LAMB1: variants seen among roughly 807,000 people sequenced by gnomAD.
LAMB1 encodes the protein laminin subunit beta-1.
A neutral mutation model predicts 222.3 loss-of-function variants in LAMB1; 121 were observed. The observed-to-expected ratio is 0.54, with a 90% CI of 0.47 to 0.63. The LOEUF is 0.63. Among genes scored for constraint, LAMB1 ranks in the 30% least tolerant of loss-of-function variants. The probability of loss-of-function intolerance (pLI) is 0.00; values close to 1 mark genes in which losing one functional copy is unlikely to be tolerated. For missense variants in LAMB1, 2,172 were observed against 2,240.8 expected, an observed-to-expected ratio of 0.97 and a Z score of 0.62; for synonymous variants, 794 against 807.2, an observed-to-expected ratio of 0.98 and a Z score of 0.28.
chr7:107,931,390 T>G lies in LAMB1; in HGVS notation c.4503A>C (p.Arg1501Ser). 1 of 1,613,916 alleles carries G rather than the reference T, an allele frequency of 6.2e-7. No individual in the cohort carries two copies. The highest frequency in any genetic ancestry group is 8.5e-7 in the Non-Finnish European group (1 of 1,179,880). The change falls in exon 29 of 34, where the codon AGA becomes AGC. Residue 1501 changes from arginine (R) to serine (S), a missense_variant. Physicochemically the swap from Arg to Ser is moderately radical, Grantham distance 110. Coordinates refer to ENST00000222399, the MANE Select transcript of LAMB1 (RefSeq NM_002291.3). ...AGTTTCTGATTTGCTTGATTAGATT[T>G]CTCAGCTCCTCATTGCTCTTGTCCA... is the stretch of plus-strand genomic sequence containing the variant. ...EKMDKSNEEL[R>S]NLIKQIRNFL...
chr7:107,955,835 T>C (rs1011948506), intron 20 of LAMB1, among the ~76,000 whole-genome samples: 2 of 151,876 alleles, frequency 1.3e-5, no homozygotes, highest in African/African-American at 4.8e-5. Context: ...TGGGTTCAAG[T>C]GATTCTCCTG....
At chr7:107,928,709 T>C (rs1392618181) in intron 31 of LAMB1, among the ~76,000 whole-genome samples, 1 of 152,192 alleles carries the variant, frequency 6.6e-6, no homozygotes, top group African/African-American at 2.4e-5. Context: ...GCCACGCTGG[T>C]CTTGAACTAC....
rs567046422 is a variant in LAMB1 at position 107,936,033 on chromosome 7, C to G, written c.3947-377G>C. On this transcript the variant is annotated intron_variant, in intron 26 of 33. Transcript: ENST00000222399. ...CTCAAATGACTAATATAGTAGCCCT[C>G]CATATTTGTAGGTTCCACATATGTG... is the stretch of plus-strand genomic sequence containing the variant. Among the ~76,000 whole-genome samples the G allele has an allele frequency of 4.2e-4, 64 of 152,288 alleles. No homozygotes were observed. The South Asian group carries it at 9.8e-3, about 23-fold the overall frequency.
At chr7:107,961,725 G>A (rs1459396359) in intron 15 of LAMB1, 49 bp from the exon 16 acceptor site, 2 of 1,581,044 alleles carry the variant, frequency 1.3e-6, no homozygotes, top group Admixed American at 3.5e-5. Context: ...ACCACTGCCT[G>A]TTTATAAAAA....
In LAMB1 at chr7:107,980,628, T is replaced by G; in HGVS notation, c.860A>C (p.Asn287Thr). 1 of 1,614,054 alleles carries G rather than the reference T, an allele frequency of 6.2e-7. No homozygotes were observed. Among genetic ancestry groups the G allele is most frequent in the Non-Finnish European group, 8.5e-7 (1 of 1,179,972 alleles). The change falls in exon 8 of 34, where the codon AAT becomes ACT. Residue 287 changes from asparagine to threonine, a missense_variant. Transcript: ENST00000222399. ...ACTTACCATTCCTTCCACTTCTTCATTGAATCCATCCACAGGGGCACATTC... is the reference window on the plus strand; with the variant it reads ...ACTTACCATTCCTTCCACTTCTTCAGTGAATCCATCCACAGGGGCACATTC... The part of the protein sequence containing the change: ...ASECAPVDGF[N>T]EEVEGMVHGH...
At chr7:108,002,376 CT>C in intron 2 of LAMB1, 1 of 1,317,180 alleles carries the variant, frequency 7.6e-7, no homozygotes, top group Non-Finnish European at 1.0e-6. Context: ...GCGCCAGGTC[CT>C]GCTGTTTCTG....
At chr7:108,003,078 G>A (rs1249720763) in intron 1 of LAMB1, 33 bp downstream of exon 1, 2 of 1,253,650 alleles carry the variant, frequency 1.6e-6, no homozygotes, top group Non-Finnish European at 2.1e-6. Context: ...CTGGAAAGTG[G>A]GGAAAATCGT....
rs35814593 is a variant in LAMB1, at chr7:107,940,670, C to G, written c.3392-312G>C. ...TCACTATTTCACAGATGTGGGAACT[C>G]AGAGATCAGAGAGATTATGTAACAT... is the stretch of plus-strand genomic sequence containing the variant. On this transcript the variant is annotated intron_variant, in intron 24 of 33. Transcript: ENST00000222399. The G allele has an allele frequency of 0.64, 183,579 of 286,722 alleles. 59,831 individuals are homozygous for G. Among genetic ancestry groups the G allele is most frequent in the East Asian group, 0.86 (12,602 of 14,662 alleles). 17.8% of individuals were successfully genotyped at this position (286,722 alleles called of 1,614,324 possible).
rs758162717 is a variant in LAMB1, at chr7:107,929,133, C to G, written c.4818G>C (p.Gln1606His). The G allele has an allele frequency of 6.2e-7, 1 of 1,614,080 alleles. No homozygotes were observed. The highest frequency in any genetic ancestry group is 1.1e-5 in the South Asian group (1 of 91,086). The change falls in exon 31 of 34, where the codon CAG becomes CAC. Residue 1606 changes from glutamine to histidine, a missense_variant. Physicochemically the swap from Gln to His is conservative, Grantham distance 24. Coordinates refer to ENST00000222399, the MANE Select transcript of LAMB1 (RefSeq NM_002291.3). Reference sequence around the variant, plus strand: ...GTTTAATTGCCTTCTCTGCTGCGACCTGGGCCTTTTCTGCTTCTTCCAGAG... The same window carrying G: ...GTTTAATTGCCTTCTCTGCTGCGACGTGGGCCTTTTCTGCTTCTTCCAGAG... ...KEALEEAEKA[Q>H]VAAEKAIKQA...
At chr7:108,001,825 G>T in intron 2 of LAMB1, 92 bp from the exon 3 acceptor site, 1 of 1,559,676 alleles carries the variant, frequency 6.4e-7, no homozygotes, top group Non-Finnish European at 8.7e-7. Context: ...GAGTGGGTGC[G>T]GAGAGAGGAC....
chr7:107,936,907 T>C (rs1485119260), intron 26 of LAMB1, among the ~76,000 whole-genome samples, 186 bp downstream of exon 26: 1 of 152,158 alleles, frequency 6.6e-6, no homozygotes, highest in Non-Finnish European at 1.5e-5. Context: ...TCTCTTAGGT[T>C]CTCTGTGCCC....
chr7:107,962,551 T>A (rs1473177029), intron 15 of LAMB1, among the ~76,000 whole-genome samples: 1 of 151,880 alleles, frequency 6.6e-6, no homozygotes, highest in Non-Finnish European at 1.5e-5. Context: ...CCGTCTCTAT[T>A]AAAAATACAA....
intron 13 of LAMB1, among the ~76,000 whole-genome samples, chr7:107,966,356 G>A (rs887273669): frequency 2.0e-5 from 3 of 151,938 alleles, no homozygotes; most frequent in East Asian, 3.9e-4. Flanking sequence ...GACTATAGGC[G>A]ACTGCCACCA....
chr7:107,976,859 C>T (rs1249203890), intron 9 of LAMB1, among the ~76,000 whole-genome samples: 1 of 32,778 alleles, frequency 3.1e-5, no homozygotes, highest in African/African-American at 1.5e-4. Context: ...CCTTTCCTCT[C>T]CTTCCTTCCT....
At chr7:107,971,325 G>GT (rs760996036) in intron 13 of LAMB1, among the ~76,000 whole-genome samples, 2 of 152,040 alleles carry the variant, frequency 1.3e-5, no homozygotes, top group Admixed American at 6.6e-5. Flanking sequence ...TACCTACAAC[G>GT]TATTTCTTTT....
Position 107,924,407 on chromosome 7 carries a change from G to C in LAMB1, c.5065-18C>G. ...TCTAAAGTCTATAGTTCCACATTTA[G>C]ACAGAAAGAAGTGGTAATGTTAGTG... On this transcript the variant is annotated intron_variant, in intron 32 of 33. Coordinates refer to ENST00000222399, the MANE Select transcript of LAMB1 (RefSeq NM_002291.3). 6.3e-7 allele frequency: 1 copy of C among 1,577,140 alleles called. No homozygotes were observed. The highest frequency in any genetic ancestry group is 1.2e-5 in the South Asian group (1 of 86,648).
intron 3 of LAMB1, among the ~76,000 whole-genome samples, chr7:108,000,198 C>CA (rs397938936): frequency 0.57 from 83,252 of 146,626 alleles, 23,678 homozygotes; most frequent in African/African-American, 0.67. Flanking sequence ...CACCAGAACT[C>CA]AAAAAAAAAA....
chr7:107,988,454 A>T (rs1452142327), intron 5 of LAMB1, among the ~76,000 whole-genome samples: 1 of 152,184 alleles, frequency 6.6e-6, no homozygotes, highest in Non-Finnish European at 1.5e-5. Flanking sequence ...AAAAAAAAAG[A>T]AAAAAGGAAT....
At chr7:107,993,094 G>A (rs1047363819) in intron 5 of LAMB1, among the ~76,000 whole-genome samples, 6 of 152,134 alleles carry the variant, frequency 3.9e-5, no homozygotes, top group African/African-American at 7.2e-5. Flanking sequence ...GCTAGGACCC[G>A]AAGGATGAGT....
Sources: allele counts gnomAD v4.1 joint callset (sites outside exome capture counted in the v4.1 genomes callset), GRCh38; gene constraint gnomAD v4.1.1; transcripts MANE v1.5; gene names NCBI Gene and HGNC (gene_info 2026-07-23, HGNC 2026-07-21).